Variants in EYS observed in about 807,000 individuals in gnomAD.
The protein encoded by EYS is protein eyes shut homolog.
EYS carries 250 observed loss-of-function variants against 282.1 expected under a neutral mutation model. The ratio of observed to expected loss-of-function variants is 0.89; its 90% CI spans 0.80 to 0.98. The LOEUF (loss-of-function observed/expected upper bound fraction) is 0.98. EYS is among the 50% of genes least tolerant of loss of function. EYS has a pLI of 0.00. For synonymous variants in EYS, 1,355 were observed against 1,282.9 expected, an observed-to-expected ratio of 1.06 and a Z score of -1.20; for missense variants, 4,016 against 3,709.0, an observed-to-expected ratio of 1.08 and a Z score of -2.15.
At chr6:64,091,837 G>A (rs1772374128) in intron 31 of EYS, among the ~76,000 whole-genome samples, 1 of 151,968 alleles carries the variant, frequency 6.6e-6, no homozygotes, top group Non-Finnish European at 1.5e-5. Context: ...TGCCATGTTG[G>A]TGTGCTGCAC....
At chr6:64,296,600 T>TA (rs1769035295) in intron 30 of EYS, among the ~76,000 whole-genome samples, 3 of 6,710 alleles carry the variant, frequency 4.5e-4, no homozygotes, top group East Asian at 3.1e-3. Context: ...ATATATATAT[T>TA]TTTTTTTTTT....
chr6:63,873,892 T>C (rs1029205308), intron 35 of EYS, among the ~76,000 whole-genome samples: 1 of 152,192 alleles, frequency 6.6e-6, no homozygotes, highest in Non-Finnish European at 1.5e-5. Flanking sequence ...TTCTGGATAT[T>C]AGCCCTTTGT....
chr6:64,053,898 A>C (rs527773096), intron 33 of EYS, among the ~76,000 whole-genome samples: 1 of 152,258 alleles, frequency 6.6e-6, no homozygotes, highest in Admixed American at 6.5e-5. Flanking sequence ...TGCATGTGGC[A>C]AACCTACTGC....
intron 33 of EYS, among the ~76,000 whole-genome samples, chr6:64,033,816 C>T (rs1291262835): frequency 6.9e-6 from 1 of 145,138 alleles, no homozygotes; most frequent in Non-Finnish European, 1.5e-5. Context: ...AATTCTGACA[C>T]AAATGAGATT....
intron 13 of EYS, among the ~76,000 whole-genome samples, chr6:65,050,088 ACATGTTTGGC>A (rs1773224469): frequency 6.6e-6 from 1 of 151,734 alleles, no homozygotes; most frequent in Non-Finnish European, 1.5e-5. Flanking sequence ...AGAATTAAAT[ACATGTTTGGC>A]CAAGATATTA....
chr6:64,706,932 A>T (rs955242630), intron 22 of EYS, among the ~76,000 whole-genome samples: 1 of 152,224 alleles, frequency 6.6e-6, no homozygotes, highest in Non-Finnish European at 1.5e-5. Context: ...TAAAAGTAGA[A>T]CTACCATTTG....
At chr6:64,679,786 C>T (rs1385176741) in intron 22 of EYS, among the ~76,000 whole-genome samples, 6 of 152,028 alleles carry the variant, frequency 3.9e-5, no homozygotes, top group African/African-American at 1.2e-4. Context: ...GTGAGATAAG[C>T]GTATTTTCAC....
rs560403251 is a variant in EYS, at chr6:64,069,334, T to C, written c.6572-2843A>G. Among the ~76,000 whole-genome samples the C allele has an allele frequency of 3.3e-5, 5 of 152,242 alleles. No individual in the cohort carries two copies. In the East Asian group the frequency reaches 5.8e-4, roughly 18 times the overall value. The stretch of plus-strand genomic sequence containing the variant: ...GTAAATAATTCTTATGATGTAAATA[T>C]TGAATTTTCAGATATTTATTTGTGG... On this transcript the variant is annotated intron_variant, in intron 32 of 42. Transcript: ENST00000503581.
At chr6:65,428,082 T>G (rs1364268321) in intron 5 of EYS, among the ~76,000 whole-genome samples, 1 of 152,082 alleles carries the variant, frequency 6.6e-6, no homozygotes, top group Non-Finnish European at 1.5e-5. Context: ...TGGAATGATA[T>G]CAACTACTGC....
intron 26 of EYS, among the ~76,000 whole-genome samples, chr6:64,511,851 G>A (rs900343295): frequency 1.3e-5 from 2 of 151,806 alleles, no homozygotes; most frequent in African/African-American, 2.4e-5. Flanking sequence ...CACTTCTCCT[G>A]AACTTAGTTT....
intron 28 of EYS, chr6:64,400,488 A>G (rs1773508666): frequency 6.6e-6 from 1 of 152,040 alleles, no homozygotes; most frequent in South Asian, 2.1e-4. Context: ...CATAGATGCA[A>G]TTCTAATATT....
At chr6:64,088,518 G>A (rs1772239313) in intron 31 of EYS, among the ~76,000 whole-genome samples, 1 of 151,682 alleles carries the variant, frequency 6.6e-6, no homozygotes, top group African/African-American at 2.4e-5. Context: ...AAATCAAGAT[G>A]GAGAATCTTT....
At chr6:64,979,835 A>C (rs1209894872) in intron 14 of EYS, among the ~76,000 whole-genome samples, 1 of 151,684 alleles carries the variant, frequency 6.6e-6, no homozygotes, top group Non-Finnish European at 1.5e-5. Context: ...TGTATAGATT[A>C]ATTAGCCAAC....
chr6:64,976,440 G>A (rs1411838105), intron 14 of EYS, among the ~76,000 whole-genome samples: 1 of 151,692 alleles, frequency 6.6e-6, no homozygotes, highest in Non-Finnish European at 1.5e-5. Flanking sequence ...CTGGTGACTG[G>A]GAAGTTCAAA....
chr6:64,674,145 C>A (rs998492590), intron 22 of EYS, among the ~76,000 whole-genome samples: 10 of 152,042 alleles, frequency 6.6e-5, no homozygotes, highest in Admixed American at 5.2e-4. Flanking sequence ...TATTTAAAAT[C>A]TATTCTTTAC....
intron 22 of EYS, among the ~76,000 whole-genome samples, chr6:64,779,388 T>G (rs756413110): frequency 6.6e-6 from 1 of 152,078 alleles, no homozygotes; most frequent in Non-Finnish European, 1.5e-5. Flanking sequence ...GAAGCCAATC[T>G]GAAAAGTCTA....
intron 22 of EYS, among the ~76,000 whole-genome samples, chr6:64,661,321 G>C (rs36152412): frequency 6.6e-6 from 1 of 151,768 alleles, no homozygotes; most frequent in Admixed American, 6.6e-5. Context: ...CAGGACATAG[G>C]TATGGGCAAG....
chr6:64,273,764 T>C (rs1768019476), intron 30 of EYS, among the ~76,000 whole-genome samples: 1 of 152,202 alleles, frequency 6.6e-6, no homozygotes, highest in Non-Finnish European at 1.5e-5. Flanking sequence ...TCTACTTGCA[T>C]GCTTTCTATT....
At chr6:65,164,981 G>C (rs1243987458) in intron 12 of EYS, among the ~76,000 whole-genome samples, 2 of 151,238 alleles carry the variant, frequency 1.3e-5, no homozygotes, top group African/African-American at 4.8e-5. Context: ...TGAAGATTGT[G>C]CTTCCAAATA....
Sources: gnomAD v4.1 joint callset for allele counts (sites outside exome capture counted in the v4.1 genomes callset) on GRCh38, gnomAD v4.1.1 for gene constraint, MANE v1.5 for transcripts, NCBI Gene and HGNC (gene_info 2026-07-23, HGNC 2026-07-21) for gene names.